DLGAP1: variants seen among roughly 807,000 people sequenced by gnomAD.
DLGAP1 encodes the protein disks large-associated protein 1.
Under a neutral mutation model 90.8 loss-of-function variants are expected in DLGAP1, and 11 were observed. That is an observed-to-expected ratio of 0.12 (90% CI 0.08 to 0.20). DLGAP1 has a LOEUF of 0.20. DLGAP1 is among the 10% of genes least tolerant of loss of function. DLGAP1 has a pLI of 1.00. For missense variants in DLGAP1, 1,050 were observed against 1,333.8 expected (o/e 0.79, Z 3.31); for synonymous variants, 558 against 540.7 (o/e 1.03, Z -0.44).
intron 1 of DLGAP1, among the ~76,000 whole-genome samples, chr18:4,260,541 G>T (rs2078982810): frequency 6.6e-6 from 1 of 152,048 alleles, no homozygotes; most frequent in African/African-American, 2.4e-5. Flanking sequence ...GATTCTTCAA[G>T]TCTCCATTTT....
At chr18:4,189,251 T>A (rs541389017) in intron 1 of DLGAP1, among the ~76,000 whole-genome samples, 1 of 152,154 alleles carries the variant, frequency 6.6e-6, no homozygotes, top group Non-Finnish European at 1.5e-5. Flanking sequence ...TTGTTGTTGA[T>A]GTGATTTTTA....
At chr18:3,786,945 G>A (rs540669274) in intron 5 of DLGAP1, among the ~76,000 whole-genome samples, 2 of 135,228 alleles carry the variant, frequency 1.5e-5, no homozygotes, top group South Asian at 2.6e-4. Flanking sequence ...ATTTCATGGA[G>A]TGTGTTGTTC....
At chr18:4,098,190 A>C (rs1222559037) in intron 2 of DLGAP1, among the ~76,000 whole-genome samples, 1 of 152,234 alleles carries the variant, frequency 6.6e-6, no homozygotes, top group Non-Finnish European at 1.5e-5. Context: ...CTGGGATTAC[A>C]GGCAGGAGCT....
intron 1 of DLGAP1, among the ~76,000 whole-genome samples, chr18:4,275,082 A>G (rs1252725120): frequency 6.6e-6 from 1 of 152,228 alleles, no homozygotes; most frequent in African/African-American, 2.4e-5. Flanking sequence ...AGCAAATTGT[A>G]ATCAGCATTA....
In DLGAP1 at chr18:4,378,713, C is replaced by T. The variant is rs2082063098; in HGVS notation, c.-267+76293G>A. 6.6e-6 allele frequency among the ~76,000 whole-genome samples: 1 copy of T among 152,148 alleles called. No homozygotes were observed. ...TTGTCCTCTTGAGAACTTTAACTTA[C>T]TACTTAATCTGAACCCATTTTATCT... On this transcript the variant is annotated intron_variant, in intron 1 of 12. Coordinates refer to ENST00000315677, the MANE Select transcript of DLGAP1 (RefSeq NM_004746.4). This position sits in a 1 kb window ranked among gnomAD's most constrained non-coding sequence, Gnocchi z 4.5.
intron 4 of DLGAP1, among the ~76,000 whole-genome samples, chr18:3,877,979 A>T (rs191384291): frequency 6.0e-4 from 92 of 152,258 alleles, no homozygotes; most frequent in African/African-American, 2.2e-3. Flanking sequence ...TTGTCCAGGG[A>T]TTGCCAGCTT....
At chr18:4,331,117 G>T (rs552859903) in intron 1 of DLGAP1, among the ~76,000 whole-genome samples, 1 of 151,714 alleles carries the variant, frequency 6.6e-6, no homozygotes, top group Non-Finnish European at 1.5e-5. Flanking sequence ...AATATTCCTT[G>T]TCTAAGATCT....
chr18:4,412,843 T>C (rs1377648660), intron 1 of DLGAP1, among the ~76,000 whole-genome samples: 2 of 152,212 alleles, frequency 1.3e-5, no homozygotes, highest in Non-Finnish European at 2.9e-5. Context: ...CCCCACACTC[T>C]GTCCTGGATA....
intron 4 of DLGAP1, among the ~76,000 whole-genome samples, chr18:3,822,989 G>C (rs1367301237): frequency 1.3e-5 from 2 of 152,148 alleles, no homozygotes; most frequent in Non-Finnish European, 2.9e-5. Context: ...TAAGATTCTA[G>C]TATGATGTAG....
intron 5 of DLGAP1, among the ~76,000 whole-genome samples, chr18:3,801,832 G>C (rs2066307580): frequency 6.6e-6 from 1 of 152,104 alleles, no homozygotes; most frequent in Non-Finnish European, 1.5e-5. Context: ...AAGAATGACT[G>C]CTGAGATGTT....
At chr18:4,435,856 G>A (rs2083387819) in intron 1 of DLGAP1, among the ~76,000 whole-genome samples, 1 of 152,198 alleles carries the variant, frequency 6.6e-6, no homozygotes, top group Admixed American at 6.5e-5. Context: ...TATAGGAGCT[G>A]GATGGGACCA....
At chr18:3,887,869 G>C (rs1160954816) in intron 3 of DLGAP1, among the ~76,000 whole-genome samples, 2 of 152,016 alleles carry the variant, frequency 1.3e-5, no homozygotes, top group African/African-American at 4.8e-5. Context: ...AGCACTTTGG[G>C]AGGCCGAGGT....
chr18:3,631,563 A>G (rs2058525351), intron 7 of DLGAP1, among the ~76,000 whole-genome samples: 1 of 152,108 alleles, frequency 6.6e-6, no homozygotes, highest in African/African-American at 2.4e-5. Context: ...CCTGGGCAAC[A>G]TAGTGAGACC....
At chr18:3,689,823 G>T (rs1253273461) in intron 7 of DLGAP1, among the ~76,000 whole-genome samples, 1 of 152,148 alleles carries the variant, frequency 6.6e-6, no homozygotes, top group Non-Finnish European at 1.5e-5. Flanking sequence ...TAGAATTAAA[G>T]AGGTTTCTTG....
At chr18:4,301,018 T>C (rs1160263621) in intron 1 of DLGAP1, among the ~76,000 whole-genome samples, 3 of 152,166 alleles carry the variant, frequency 2.0e-5, no homozygotes, top group Non-Finnish European at 4.4e-5. Flanking sequence ...ATTATAGTTG[T>C]AGATGTTTAT....
chr18:4,096,316 C>A (rs915812077), intron 2 of DLGAP1, among the ~76,000 whole-genome samples: 2 of 152,082 alleles, frequency 1.3e-5, no homozygotes, highest in Non-Finnish European at 2.9e-5. Context: ...TGAGCCACTG[C>A]GCCTGGCCAG....
chr18:3,693,969 T>G (rs1339785723), intron 7 of DLGAP1, among the ~76,000 whole-genome samples: 1 of 152,112 alleles, frequency 6.6e-6, no homozygotes, highest in Non-Finnish European at 1.5e-5. Flanking sequence ...CCATGGTGGT[T>G]AGCTGCACCC....
intron 9 of DLGAP1, among the ~76,000 whole-genome samples, chr18:3,535,802 C>A (rs560661554): frequency 6.6e-6 from 1 of 151,930 alleles, no homozygotes; most frequent in Non-Finnish European, 1.5e-5. Context: ...GAGGCCGAGG[C>A]GGGCAGATCA....
chr18:3,616,874 T>G (rs1265716352), intron 7 of DLGAP1, among the ~76,000 whole-genome samples: 8 of 152,176 alleles, frequency 5.3e-5, no homozygotes. Context: ...GAAGTGACAC[T>G]GCATGACCTC....
Sources: gnomAD v4.1 joint callset for allele counts (sites outside exome capture counted in the v4.1 genomes callset) on GRCh38, gnomAD v4.1.1 for gene constraint, Gnocchi (gnomAD v3.1) non-coding constraint, MANE v1.5 for transcripts, NCBI Gene and HGNC (gene_info 2026-07-23, HGNC 2026-07-21) for gene names.